CRPPA: variants seen among roughly 807,000 people sequenced by gnomAD.
CRPPA encodes D-ribitol-5-phosphate cytidylyltransferase.
CRPPA carries 43 observed loss-of-function variants against 52.0 expected under a neutral mutation model. The ratio of observed to expected loss-of-function variants is 0.83; its 90% confidence interval spans 0.65 to 1.07. CRPPA has a LOEUF of 1.07. Among genes scored for constraint, CRPPA ranks in the 50% least tolerant of loss-of-function variants. The pLI is 0.00. For synonymous variants in CRPPA, 250 were observed against 203.5 expected, an observed-to-expected ratio of 1.23 and a Z score of -1.94; for missense variants, 629 against 551.7, an observed-to-expected ratio of 1.14 and a Z score of -1.40.
chr7:16,303,064 T>A (rs1312357914), intron 4 of CRPPA, among the ~76,000 whole-genome samples: 1 of 152,216 alleles, frequency 6.6e-6, no homozygotes, highest in Non-Finnish European at 1.5e-5. Flanking sequence ...GTACGTTAGC[T>A]ATGTAGGAAA....
At chr7:16,217,667 G>A (rs1435357151) in intron 8 of CRPPA, among the ~76,000 whole-genome samples, 9 of 144,284 alleles carry the variant, frequency 6.2e-5, no homozygotes, top group South Asian at 2.4e-4. Context: ...GAGCCGATGC[G>A]ATCAACTGGA....
intron 2 of CRPPA, among the ~76,000 whole-genome samples, chr7:16,387,043 AGATATAT>A: frequency 1.5e-5 from 1 of 65,142 alleles, no homozygotes; most frequent in Non-Finnish European, 3.1e-5. Context: ...AATAAAAAAA[AGATATAT>A]ATATATATAT....
intron 8 of CRPPA, among the ~76,000 whole-genome samples, chr7:16,231,411 A>G (rs1246747115): frequency 6.6e-6 from 1 of 152,174 alleles, no homozygotes; most frequent in African/African-American, 2.4e-5. Context: ...AGAACATGTT[A>G]TCATGGTAAA....
intron 3 of CRPPA, among the ~76,000 whole-genome samples, chr7:16,370,590 C>T (rs1786723064): frequency 6.6e-6 from 1 of 152,108 alleles, no homozygotes. Flanking sequence ...AAGGAAACAC[C>T]CTGTGGGACA....
intron 9 of CRPPA, among the ~76,000 whole-genome samples, chr7:16,156,048 T>A (rs543269564): frequency 1.4e-4 from 21 of 151,712 alleles, no homozygotes; most frequent in Admixed American, 2.6e-4. Flanking sequence ...TACATCTTTT[T>A]TATATATATA....
chr7:16,312,795 G>C (rs561170166), intron 3 of CRPPA, among the ~76,000 whole-genome samples: 4 of 151,962 alleles, frequency 2.6e-5, no homozygotes, highest in Non-Finnish European at 5.9e-5. Context: ...AATGAGTGTT[G>C]TATTTTGTCA....
intron 2 of CRPPA, among the ~76,000 whole-genome samples, chr7:16,383,102 T>C (rs1014116809): frequency 2.4e-4 from 36 of 152,300 alleles, no homozygotes; most frequent in African/African-American, 6.5e-4. Context: ...TCTGCTCTGT[T>C]TTTTCCCCAT....
intron 3 of CRPPA, among the ~76,000 whole-genome samples, chr7:16,322,822 T>C (rs1785291448): frequency 6.6e-6 from 1 of 152,082 alleles, no homozygotes; most frequent in African/African-American, 2.4e-5. Context: ...TACCCGAGAC[T>C]TGGGAATTTA....
intron 2 of CRPPA, among the ~76,000 whole-genome samples, chr7:16,377,740 G>T (rs376463094): frequency 6.6e-6 from 1 of 152,262 alleles, no homozygotes; most frequent in Non-Finnish European, 1.5e-5. Context: ...ACTCAGAGTA[G>T]GTATGGCTAA....
At chr7:16,103,048 A>T (rs534680088) in intron 9 of CRPPA, among the ~76,000 whole-genome samples, 48 of 152,334 alleles carry the variant, frequency 3.2e-4, no homozygotes, top group African/African-American at 8.9e-4. Flanking sequence ...AAGACTTGGA[A>T]CCAACCCAGA....
intron 1 of CRPPA, among the ~76,000 whole-genome samples, chr7:16,414,320 G>A (rs1273753174): frequency 1.4e-5 from 2 of 146,658 alleles, no homozygotes; most frequent in Non-Finnish European, 3.0e-5. Flanking sequence ...CTATTTTTCA[G>A]CTATTCCAGG....
Position 16,203,827 on chromosome 7 carries a change from C to A in CRPPA, c.1251+12239G>T, listed in dbSNP as rs551644914. ...TAAAAACCACTCTGCCTGGATCCTC[C>A]TCCAGTAAATTTAGCTGAAACTGAC... On this transcript the variant is annotated intron_variant, in intron 9 of 9. Coordinates refer to ENST00000407010, the MANE Select transcript of CRPPA (RefSeq NM_001101426.4). 3.3e-5 allele frequency among the ~76,000 whole-genome samples: 5 copies of A among 152,292 alleles called. No individual in the cohort carries two copies. The South Asian group carries it at 8.3e-4, about 25-fold the overall frequency.
In CRPPA at chr7:16,089,487, G is replaced by A. The variant is rs1205448220; in HGVS notation, c.*2208C>T. ...TATATATGTACGTACATATATACGG[G>A]TATATATGTACGTACATACATAGAT... is the stretch of plus-strand genomic sequence containing the variant. On this transcript the variant is annotated 3_prime_UTR_variant, in exon 10 of 10. Transcript: ENST00000407010. 6.6e-6 allele frequency: 2 copies of A among 301,320 alleles called. No homozygotes were observed. The highest frequency in any genetic ancestry group is 7.3e-6 in the Non-Finnish European group (1 of 137,512). The allele number at this position is 301,320 out of a possible 1,614,324, so 18.7% of individuals were successfully genotyped here. A position where few individuals can be genotyped will look rare whatever the true frequency, so the allele number is the denominator to read the frequency against.
Position 16,089,323 on chromosome 7 carries a change from T to C in CRPPA, c.*2372A>G, listed in dbSNP as rs926993992. 1 of 396,426 alleles carries C rather than the reference T, an allele frequency of 2.5e-6. No individual in the cohort carries two copies. The highest frequency in any genetic ancestry group is 5.2e-6 in the Non-Finnish European group (1 of 190,734). The allele number at this position is 396,426 out of a possible 1,614,324, so 24.6% of individuals were successfully genotyped here. A position where few individuals can be genotyped will look rare whatever the true frequency, so the allele number is the denominator to read the frequency against. On this transcript the variant is annotated 3_prime_UTR_variant, in exon 10 of 10. Coordinates refer to ENST00000407010, the MANE Select transcript of CRPPA (RefSeq NM_001101426.4). ...ACATATATGTGTGTATGCGTACGTA[T>C]ATAAATATATGTGTGTATGCGTACG...
At chr7:16,378,340 T>C (rs1562664508) in intron 2 of CRPPA, among the ~76,000 whole-genome samples, 3 of 140,428 alleles carry the variant, frequency 2.1e-5, no homozygotes, top group Non-Finnish European at 4.5e-5. Flanking sequence ...AATTCCCACC[T>C]ATGAGTGAGA....
At chr7:16,096,808 A>G (rs1388923046) in intron 9 of CRPPA, among the ~76,000 whole-genome samples, 1 of 152,132 alleles carries the variant, frequency 6.6e-6, no homozygotes, top group Non-Finnish European at 1.5e-5. Context: ...AAAAAGGGGG[A>G]AAACAGTATA....
intron 9 of CRPPA, among the ~76,000 whole-genome samples, chr7:16,197,373 T>C (rs1781762279): frequency 1.3e-5 from 2 of 152,172 alleles, no homozygotes. Context: ...GTCTCTTCTG[T>C]TGTCCAGGCT....
At chr7:16,389,928 A>AAAAAAAATAT in intron 2 of CRPPA, among the ~76,000 whole-genome samples, 17 of 29,756 alleles carry the variant, frequency 5.7e-4, no homozygotes, top group African/African-American at 2.9e-3. Flanking sequence ...AAAAAAAAAA[A>AAAAAAAATAT]ATATATATAT....
rs1179221797 is a variant in CRPPA at position 16,125,667 on chromosome 7, G to C, written c.1252-33868C>G. 2.6e-5 allele frequency among the ~76,000 whole-genome samples: 4 copies of C among 152,056 alleles called. No individual in the cohort carries two copies. The East Asian group carries it at 5.8e-4, about 22-fold the overall frequency. On this transcript the variant is annotated intron_variant, in intron 9 of 9. Coordinates refer to ENST00000407010, the MANE Select transcript of CRPPA (RefSeq NM_001101426.4). ...AAATCCTAAGTATATCTTTGAAAAA[G>C]AAATCAATTATTTTTTAATTGTATG...
Sources: allele counts gnomAD v4.1 joint callset (sites outside exome capture counted in the v4.1 genomes callset), GRCh38; gene constraint gnomAD v4.1.1; transcripts MANE v1.5; gene names NCBI Gene and HGNC (gene_info 2026-07-23, HGNC 2026-07-21).